TERF2: variants seen among roughly 807,000 people sequenced by gnomAD.
The protein encoded by TERF2 is telomeric repeat binding factor 2, also known as telomeric repeat-binding factor 2.
A neutral mutation model predicts 56.1 loss-of-function variants in TERF2; 16 were observed. The ratio of observed to expected loss-of-function variants is 0.29; its 90% CI spans 0.19 to 0.43. The LOEUF (loss-of-function observed/expected upper bound fraction) is 0.43. Among genes scored for constraint, TERF2 ranks in the 20% least tolerant of loss-of-function variants. The probability of loss-of-function intolerance (pLI) is 1.00; values close to 1 mark genes in which losing one functional copy is unlikely to be tolerated. For missense variants in TERF2, 547 were observed against 712.9 expected (o/e 0.77, Z 2.65); for synonymous variants, 296 against 282.1 (o/e 1.05, Z -0.50).
At chr16:69,359,987 C>T (rs183555093) in intron 8 of TERF2, among the ~76,000 whole-genome samples, 16 of 151,386 alleles carry the variant, frequency 1.1e-4, no homozygotes, top group African/African-American at 3.9e-4. Flanking sequence ...GGTCTCCAAC[C>T]CCTGAGTTCA....
At chr16:69,374,627 T>C (rs1597254313) in intron 3 of TERF2, among the ~76,000 whole-genome samples, 1 of 41,926 alleles carries the variant, frequency 2.4e-5, no homozygotes, top group Non-Finnish European at 4.1e-5. Context: ...TCTCTCTCTT[T>C]AAAAAAAAAA....
rs764563200 is a variant in TERF2 at position 69,370,530 on chromosome 16, G to A, written c.793C>T (p.Arg265Cys). Residue 265 changes from arginine to cysteine, a missense_variant, in exon 5 of 10, where the codon CGC (arginine) becomes TGC (cysteine). Around this residue, in one of 6 missense-constraint regions of TERF2, gnomAD observed 97 missense variants for 157.0 expected, o/e 0.62. Coordinates refer to ENST00000254942, the MANE Select transcript of TERF2 (RefSeq NM_005652.5). ...TCATCCAGGTGGCTCTCCAGGAAGCGCAGCATCTTCTGCTGGAAGGTCTCA... is the reference window on the plus strand; with the variant it reads ...TCATCCAGGTGGCTCTCCAGGAAGCACAGCATCTTCTGCTGGAAGGTCTCA... ...SYETFQQKML[R>C]FLESHLDDAE... is the part of the protein sequence containing the mutation. The A allele has an allele frequency of 1.7e-5, 28 of 1,614,088 alleles. No homozygotes were observed. The highest frequency in any genetic ancestry group is 2.2e-5 in the South Asian group (2 of 91,088).
At position 69,378,695 on chromosome 16, in the gene TERF2, C is replaced by T. The variant is rs531880633; in HGVS notation, c.606+5885G>A. 4.6e-5 allele frequency among the ~76,000 whole-genome samples: 7 copies of T among 152,268 alleles called. No individual in the cohort carries two copies. In the East Asian group the frequency reaches 1.2e-3, roughly 25 times the overall value. On this transcript the variant is annotated intron_variant, in intron 3 of 9. Transcript: ENST00000254942. ...GAACTTCAAATTCTGGTCTCCTTCC[C>T]TATATGCCTATTTCCAGATAGAATC...
chr16:69,368,709 C>T (rs573523662), intron 5 of TERF2: 12 of 1,062,396 alleles, frequency 1.1e-5, no homozygotes, highest in South Asian at 8.2e-5. Flanking sequence ...GGGAGTCTTG[C>T]TCTGTCGCCC....
chr16:69,367,325 G>T, intron 6 of TERF2, 126 bp from the exon 7 acceptor site: 2 of 986,760 alleles, frequency 2.0e-6, no homozygotes, highest in Non-Finnish European at 2.9e-6. Flanking sequence ...TGATATGTAA[G>T]TTGTATTATG....
chr16:69,385,236 C>T (rs1252584928), intron 2 of TERF2, among the ~76,000 whole-genome samples, 155 bp downstream of exon 2: 3 of 152,058 alleles, frequency 2.0e-5, no homozygotes, highest in Admixed American at 6.6e-5. Context: ...AAACTAGAGC[C>T]AGTCGAGCCA....
At chr16:69,360,214 C>T (rs577269132) in intron 8 of TERF2, among the ~76,000 whole-genome samples, 1 of 151,806 alleles carries the variant, frequency 6.6e-6, no homozygotes, top group African/African-American at 2.4e-5. Context: ...TGGTGAAAAC[C>T]CGACTACTAA....
intron 7 of TERF2, among the ~76,000 whole-genome samples, chr16:69,364,432 TG>T (rs1244536360): frequency 6.6e-6 from 1 of 152,106 alleles, no homozygotes; most frequent in Admixed American, 6.6e-5. Context: ...GCCAGGAGCC[TG>T]GGAATATGTA....
chr16:69,377,834 C>T (rs935053923), intron 3 of TERF2, among the ~76,000 whole-genome samples: 7 of 151,890 alleles, frequency 4.6e-5, no homozygotes, highest in Non-Finnish European at 1.0e-4. Context: ...TCTTGCTAAA[C>T]TTACAGGATT....
intron 5 of TERF2, 40 bp downstream of exon 5, chr16:69,370,443 A>C: frequency 6.2e-7 from 1 of 1,602,772 alleles, no homozygotes; most frequent in Non-Finnish European, 8.5e-7. Flanking sequence ...GCACATCCTC[A>C]AGGGCACACC....
intron 4 of TERF2, among the ~76,000 whole-genome samples, chr16:69,371,566 G>C (rs974782159): frequency 6.6e-6 from 1 of 150,966 alleles, no homozygotes; most frequent in Non-Finnish European, 1.5e-5. Flanking sequence ...CGTAATCCCA[G>C]CACTTTGGGA....
chr16:69,377,331 ATTTTT>A (rs1021224508), intron 3 of TERF2, among the ~76,000 whole-genome samples: 6 of 151,458 alleles, frequency 4.0e-5, no homozygotes, highest in African/African-American at 1.2e-4. Context: ...TTCAGTCTTA[ATTTTT>A]TTTCTTTTTT....
At chr16:69,367,914 G>GA (rs1276080724) in intron 6 of TERF2, among the ~76,000 whole-genome samples, 2 of 152,188 alleles carry the variant, frequency 1.3e-5, no homozygotes, top group Non-Finnish European at 2.9e-5. Context: ...ACAAGAAGCT[G>GA]AAAAGCACAT....
intron 7 of TERF2, chr16:69,366,261 A>T (rs528590043): frequency 6.5e-6 from 1 of 153,692 alleles, no homozygotes; most frequent in South Asian, 2.0e-4. Context: ...CCACCACAGG[A>T]CACAAAGGGA....
At chr16:69,372,717 G>A (rs535612744) in intron 3 of TERF2, among the ~76,000 whole-genome samples, 13 of 152,152 alleles carry the variant, frequency 8.5e-5, no homozygotes, top group Admixed American at 2.6e-4. Flanking sequence ...AGCCGAGATC[G>A]CGCCACTGCA....
intron 4 of TERF2, among the ~76,000 whole-genome samples, chr16:69,370,909 G>A (rs1401940506): frequency 6.6e-6 from 1 of 152,006 alleles, no homozygotes; most frequent in Non-Finnish European, 1.5e-5. Context: ...AAGCAATTTA[G>A]AAAAGTGTTC....
chr16:69,366,775 C>T, intron 7 of TERF2, 32 bp downstream of exon 7: 1 of 1,572,900 alleles, frequency 6.4e-7, no homozygotes, highest in South Asian at 1.2e-5. Flanking sequence ...CACCAACCAG[C>T]CCCAAAATTT....
intron 8 of TERF2, 122 bp from the exon 9 acceptor site, chr16:69,357,683 G>A: frequency 1.7e-6 from 2 of 1,144,650 alleles, no homozygotes; most frequent in Non-Finnish European, 2.5e-6. Flanking sequence ...ATTGAGAAGA[G>A]AAAGGATATC....
intron 8 of TERF2, among the ~76,000 whole-genome samples, chr16:69,359,539 A>G (rs2013049143): frequency 6.6e-6 from 1 of 151,484 alleles, no homozygotes; most frequent in Admixed American, 6.6e-5. Flanking sequence ...AAAAAAAAAA[A>G]AAAGAAATCA....
Sources: gnomAD v4.1 joint callset for allele counts (sites outside exome capture counted in the v4.1 genomes callset) on GRCh38, gnomAD v4.1.1 for gene constraint, gnomAD v4.1.1 regional missense constraint, MANE v1.5 for transcripts, NCBI Gene and HGNC (gene_info 2026-07-23, HGNC 2026-07-21) for gene names.